ACSM1: variants seen among roughly 807,000 people sequenced by gnomAD.
The protein encoded by ACSM1 is acyl-CoA synthetase medium chain family member 1.
In ACSM1, 79 loss-of-function variants were observed where a neutral mutation model predicts 75.8. The observed-to-expected ratio is 1.04, with a 90% CI of 0.87 to 1.26. ACSM1 has a LOEUF of 1.26. ACSM1 is among the 50% of genes most tolerant of loss of function. The pLI, the probability that ACSM1 is intolerant of heterozygous loss-of-function variation, is 0.00. For synonymous variants in ACSM1, 279 were observed against 265.8 expected, an observed-to-expected ratio of 1.05 and a Z score of -0.48; for missense variants, 676 against 720.1, an observed-to-expected ratio of 0.94 and a Z score of 0.70.
chr16:20,683,760 G>A (rs2079496937), intron 3 of ACSM1, among the ~76,000 whole-genome samples: 1 of 138,732 alleles, frequency 7.2e-6, no homozygotes, highest in South Asian at 2.3e-4. Context: ...AGTAGAGATG[G>A]GGTTTCACCA....
At chr16:20,677,872 A>G (rs1165439540) in intron 4 of ACSM1, among the ~76,000 whole-genome samples, 18 of 152,194 alleles carry the variant, frequency 1.2e-4, no homozygotes, top group Admixed American at 1.1e-3. Context: ...TACAAAGAAA[A>G]AAAAGGCTTT....
At chr16:20,685,451 G>A (rs1472053704) in intron 2 of ACSM1, 48 bp from the exon 3 acceptor site, 1 of 1,563,342 alleles carries the variant, frequency 6.4e-7, no homozygotes, top group South Asian at 1.1e-5. Context: ...CAAAGAAAAA[G>A]GGCACTTAGT....
chr16:20,696,986 A>G (rs1356361120), intron 1 of ACSM1, among the ~76,000 whole-genome samples: 1 of 152,200 alleles, frequency 6.6e-6, no homozygotes, highest in Non-Finnish European at 1.5e-5. Flanking sequence ...GTGATAATTT[A>G]CTTGCTGGCA....
rs74011813 is a variant in ACSM1 at position 20,660,285 on chromosome 16, T to C, written c.992+1509A>G. ...ATTCCCTGAAGAAAATGGAGAAAAG[T>C]GATGGAAGTTTGAAAGCCAGCTGGA... On this transcript the variant is annotated intron_variant, in intron 7 of 13. Coordinates refer to ENST00000520010, the MANE Select transcript of ACSM1 (RefSeq NM_001318890.3). Among the ~76,000 whole-genome samples the C allele has an allele frequency of 8.1e-3, 1,225 of 152,130 alleles. 7 individuals are homozygous for C. The highest frequency in any genetic ancestry group is 0.018 in the African/African-American group (734 of 41,492).
Position 20,691,015 on chromosome 16 carries a change from G to T in ACSM1, c.174C>A (p.Tyr58Ter). 1 of 1,611,974 alleles carries T rather than the reference G, an allele frequency of 6.2e-7. No individual in the cohort carries two copies. The highest frequency in any genetic ancestry group is 8.5e-7 in the Non-Finnish European group (1 of 1,179,150). The change falls in exon 2 of 14, where the codon TAC becomes TAA. Residue 58 changes from tyrosine (Y) to a stop codon, truncating the protein, a stop_gained. Coordinates refer to ENST00000520010, the MANE Select transcript of ACSM1 (RefSeq NM_001318890.3). LOFTEE classifies it high-confidence loss of function. ...EFNFASYVLD[Y>*]WAQKEKEGKR... ...CTCTTACCTTCTCCTTTTGAGCCCAGTAGTCCAGTACATAACTTGCAAAGT... is the reference window on the plus strand; with the variant it reads ...CTCTTACCTTCTCCTTTTGAGCCCATTAGTCCAGTACATAACTTGCAAAGT...
chr16:20,693,112 G>C (rs1205377777), intron 1 of ACSM1, among the ~76,000 whole-genome samples: 1 of 151,776 alleles, frequency 6.6e-6, no homozygotes, highest in African/African-American at 2.4e-5. Flanking sequence ...GGAGGTTGCA[G>C]TGAGCCGAGA....
intron 1 of ACSM1, among the ~76,000 whole-genome samples, chr16:20,693,643 G>A (rs770328293): frequency 6.6e-6 from 1 of 152,210 alleles, no homozygotes; most frequent in Non-Finnish European, 1.5e-5. Context: ...GGCTGGAGCT[G>A]AGAATTGTCT....
intron 13 of ACSM1, among the ~76,000 whole-genome samples, chr16:20,623,869 A>T (rs2016755351): frequency 6.6e-6 from 1 of 152,212 alleles, no homozygotes; most frequent in Non-Finnish European, 1.5e-5. Context: ...AGAGCAGCTG[A>T]CAGGTCCCAT....
intron 4 of ACSM1, chr16:20,674,451 C>G (rs139099368): frequency 0.013 from 2,038 of 157,554 alleles, 47 homozygotes; most frequent in African/African-American, 0.046. Flanking sequence ...CTCCCTCCCC[C>G]CTCTCCACCC....
intron 7 of ACSM1, among the ~76,000 whole-genome samples, chr16:20,660,644 C>T (rs1292711272): frequency 6.6e-6 from 1 of 152,110 alleles, no homozygotes; most frequent in African/African-American, 2.4e-5. Flanking sequence ...CAGACTGAAG[C>T]TTCATGAGTA....
At chr16:20,624,036 G>C in intron 13 of ACSM1, 60 bp downstream of exon 13, 1 of 1,595,382 alleles carries the variant, frequency 6.3e-7, no homozygotes, top group Non-Finnish European at 8.6e-7. Flanking sequence ...GTGATACCTA[G>C]CCCGTCCTAG....
At chr16:20,686,167 A>C (rs1370393085) in intron 2 of ACSM1, among the ~76,000 whole-genome samples, 1 of 152,178 alleles carries the variant, frequency 6.6e-6, no homozygotes, top group Non-Finnish European at 1.5e-5. Flanking sequence ...TTATCACAAT[A>C]AAACAAAACA....
intron 7 of ACSM1, among the ~76,000 whole-genome samples, chr16:20,647,816 T>C (rs1271981340): frequency 6.6e-6 from 1 of 152,220 alleles, no homozygotes; most frequent in East Asian, 1.9e-4. Flanking sequence ...GGAATGTGTC[T>C]AGACTTTCTG....
chr16:20,697,103 G>T (rs1278276736), intron 1 of ACSM1, among the ~76,000 whole-genome samples: 2 of 151,796 alleles, frequency 1.3e-5, no homozygotes, highest in Non-Finnish European at 2.9e-5. Flanking sequence ...CATTTTTTTT[G>T]AAACTGTCAC....
intron 4 of ACSM1, among the ~76,000 whole-genome samples, chr16:20,672,784 A>T (rs2020026920): frequency 8.1e-6 from 1 of 123,744 alleles, no homozygotes; most frequent in South Asian, 2.3e-4. Context: ...TTATATATAA[A>T]TTATGTACAA....
At chr16:20,684,411 G>A (rs1247440220) in intron 3 of ACSM1, among the ~76,000 whole-genome samples, 1 of 152,144 alleles carries the variant, frequency 6.6e-6, no homozygotes, top group Non-Finnish European at 1.5e-5. Flanking sequence ...CCTTGCTTAA[G>A]TGATAAAACA....
chr16:20,624,349 T>C, intron 12 of ACSM1, 134 bp from the exon 13 acceptor site: 1 of 1,055,772 alleles, frequency 9.5e-7, no homozygotes, highest in Non-Finnish European at 1.3e-6. Flanking sequence ...GAGGACCAGG[T>C]GTAAATCCCT....
rs577685127 is a variant in ACSM1, at chr16:20,693,740, G to A, written c.-51-2501C>T. ...CCTGCCTGCTTCTCCACTTATTGTA[G>A]CTGTCCAGCCCCTGTGTATATTTGA... On this transcript the variant is annotated intron_variant, in intron 1 of 13. Transcript: ENST00000520010. 2.6e-5 allele frequency among the ~76,000 whole-genome samples: 4 copies of A among 152,254 alleles called. No homozygotes were observed. In the South Asian group the frequency reaches 8.3e-4, roughly 32 times the overall value.
In ACSM1 at chr16:20,636,766, C is replaced by T. The variant is rs569914340; in HGVS notation, c.1272G>A (p.Arg424=). 1.7e-5 allele frequency: 28 copies of T among 1,614,086 alleles called. No homozygotes were observed. Among genetic ancestry groups the T allele is most frequent in the Admixed American group, 3.3e-5 (2 of 60,022 alleles). The change falls in exon 10 of 14, where the codon AGG becomes AGA. Residue 424 remains arginine, a synonymous_variant. Transcript: ENST00000520010. ...GNIGIRIKPV[R]PVSLFMCYEG... ...CATAGCACATGAAGAGGCTCACAGG[C>T]CTGACAGGTTTGATTCTGATGCCAA...
Sources: allele counts gnomAD v4.1 joint callset (sites outside exome capture counted in the v4.1 genomes callset), GRCh38; gene constraint gnomAD v4.1.1; transcripts MANE v1.5; gene names NCBI Gene and HGNC (gene_info 2026-07-23, HGNC 2026-07-21).